PRKAA2: variants seen among roughly 807,000 people sequenced by gnomAD.
PRKAA2 encodes the protein protein kinase AMP-activated catalytic subunit alpha 2.
Under a neutral mutation model 56.3 loss-of-function variants are expected in PRKAA2, and 40 were observed. The ratio of observed to expected loss-of-function variants is 0.71; its 90% CI spans 0.55 to 0.92. The LOEUF is 0.92. Among genes scored for constraint, PRKAA2 ranks in the 40% least tolerant of loss-of-function variants. The pLI is 0.00. For missense variants in PRKAA2, 542 were observed against 686.9 expected (o/e 0.79, Z 2.36); for synonymous variants, 214 against 234.2 (o/e 0.91, Z 0.79).
At chr1:56,670,239 T>C (rs1644065392) in intron 1 of PRKAA2, among the ~76,000 whole-genome samples, 1 of 152,226 alleles carries the variant, frequency 6.6e-6, no homozygotes, top group South Asian at 2.1e-4. Flanking sequence ...GTGTATTATT[T>C]AGATTCAGCT....
intron 1 of PRKAA2, among the ~76,000 whole-genome samples, chr1:56,647,809 C>T (rs550645730): frequency 5.7e-4 from 86 of 151,364 alleles, no homozygotes; most frequent in Admixed American, 1.6e-3. Context: ...GCGGGCGGTT[C>T]AATTGAGGTC....
chr1:56,693,863 G>A lies in PRKAA2; in HGVS notation c.563+11G>A. 1 of 1,542,412 alleles carries A rather than the reference G, an allele frequency of 6.5e-7. No individual in the cohort carries two copies. The highest frequency in any genetic ancestry group is 8.9e-7 in the Non-Finnish European group (1 of 1,124,868). ...AGTCATCTCAGGCAGGTAATAATCA[G>A]TGAAGCATAAGCTTTTTGTAATCTT... On this transcript the variant is annotated intron_variant, in intron 5 of 8. Coordinates refer to ENST00000371244, the MANE Select transcript of PRKAA2 (RefSeq NM_006252.4).
intron 2 of PRKAA2, among the ~76,000 whole-genome samples, chr1:56,679,557 A>G (rs929063797): frequency 9.9e-5 from 15 of 152,100 alleles, no homozygotes; most frequent in African/African-American, 2.4e-4. Flanking sequence ...CATACAATCA[A>G]TCATTAAGGT....
At chr1:56,692,059 C>T (rs1394330402) in intron 3 of PRKAA2, among the ~76,000 whole-genome samples, 2 of 118,848 alleles carry the variant, frequency 1.7e-5, no homozygotes, top group East Asian at 5.1e-4. Flanking sequence ...TTGAGACAGA[C>T]TCTTGCTCTG....
intron 1 of PRKAA2, among the ~76,000 whole-genome samples, chr1:56,652,510 G>C (rs1017913860): frequency 6.6e-6 from 1 of 152,180 alleles, no homozygotes; most frequent in East Asian, 1.9e-4. Context: ...CAAATGATTT[G>C]ATGTTCTAGA....
intron 1 of PRKAA2, among the ~76,000 whole-genome samples, chr1:56,668,515 G>A (rs755270485): frequency 1.3e-5 from 2 of 151,476 alleles, no homozygotes; most frequent in Non-Finnish European, 2.9e-5. Context: ...ATTTTCTTTG[G>A]GCTAGTTCAA....
chr1:56,674,458 G>C lies in PRKAA2; in HGVS notation c.172G>C (p.Val58Leu). ...NRQKIRSLDVVGKIKREIQNL... is the reference protein window; with the variant it reads ...NRQKIRSLDVLGKIKREIQNL... ...ACAGAAGATTCGCAGTTTAGATGTTGTTGGAAAAATAAAACGAGAAATTCA... is the reference window on the plus strand; with the variant it reads ...ACAGAAGATTCGCAGTTTAGATGTTCTTGGAAAAATAAAACGAGAAATTCA... Residue 58 changes from valine (V) to leucine (L), a missense_variant, in exon 2 of 9, where the codon GTT (valine) becomes CTT (leucine). Val to Leu is a conservative substitution (Grantham distance 32). Coordinates refer to ENST00000371244, the MANE Select transcript of PRKAA2 (RefSeq NM_006252.4). The C allele has an allele frequency of 6.3e-7, 1 of 1,575,020 alleles. No homozygotes were observed. Among genetic ancestry groups the C allele is most frequent in the Non-Finnish European group, 8.6e-7 (1 of 1,159,248 alleles).
At chr1:56,701,293 G>A (rs2100433948) in intron 6 of PRKAA2, among the ~76,000 whole-genome samples, 1 of 152,090 alleles carries the variant, frequency 6.6e-6, no homozygotes, top group South Asian at 2.1e-4. Context: ...TACTCGGGAG[G>A]CTGAGACAGG....
intron 8 of PRKAA2, 140 bp from the exon 9 acceptor site, chr1:56,707,335 C>A: frequency 1.5e-6 from 1 of 688,124 alleles, no homozygotes; most frequent in Non-Finnish European, 2.5e-6. Flanking sequence ...TGTGTTTCTA[C>A]AACACAGAAA....
intron 7 of PRKAA2, among the ~76,000 whole-genome samples, chr1:56,704,831 C>CT (rs1051908506): frequency 6.7e-5 from 10 of 149,556 alleles, no homozygotes; most frequent in South Asian, 4.2e-4. Context: ...TTTCTTTTCT[C>CT]TTTTTTTTAG....
intron 1 of PRKAA2, among the ~76,000 whole-genome samples, chr1:56,667,254 GT>G (rs1202139629): frequency 2.0e-5 from 3 of 151,836 alleles, no homozygotes; most frequent in Admixed American, 6.6e-5. Context: ...TGCCCCCAGT[GT>G]TTTTTTCCCC....
chr1:56,673,513 T>A (rs1264798832), intron 1 of PRKAA2, among the ~76,000 whole-genome samples: 2 of 152,048 alleles, frequency 1.3e-5, no homozygotes, highest in Non-Finnish European at 2.9e-5. Context: ...AGAATAGAAT[T>A]GAGGAAAATG....
chr1:56,662,466 A>G (rs1372812763), intron 1 of PRKAA2, among the ~76,000 whole-genome samples: 1 of 152,214 alleles, frequency 6.6e-6, no homozygotes, highest in Admixed American at 6.5e-5. Flanking sequence ...AAAATTAAAT[A>G]CAGACGAGGT....
intron 3 of PRKAA2, among the ~76,000 whole-genome samples, chr1:56,691,785 C>T (rs558725961): frequency 6.6e-6 from 1 of 152,220 alleles, no homozygotes; most frequent in East Asian, 1.9e-4. Flanking sequence ...CACATATGTT[C>T]TGTTTTAGTT....
intron 1 of PRKAA2, 48 bp from the exon 2 acceptor site, chr1:56,674,333 A>G (rs990813873): frequency 4.2e-6 from 6 of 1,442,250 alleles, no homozygotes; most frequent in Non-Finnish European, 5.6e-6. Flanking sequence ...TGAATAAATG[A>G]TTATGTTGAT....
At chr1:56,650,990 G>C (rs944313791) in intron 1 of PRKAA2, among the ~76,000 whole-genome samples, 8 of 152,154 alleles carry the variant, frequency 5.3e-5, no homozygotes, top group African/African-American at 1.9e-4. Flanking sequence ...CCCATCAATT[G>C]ATGGAGCTAA....
Position 56,664,855 on chromosome 1 carries a change from T to TACACACACACACACACACAC in PRKAA2, c.95-9508_95-9489dup, listed in dbSNP as rs67041631. Among the ~76,000 whole-genome samples, 817 of 139,876 alleles carry TACACACACACACACACACAC rather than the reference T, an allele frequency of 5.8e-3. 11 individuals are homozygous for TACACACACACACACACACAC. The highest frequency in any genetic ancestry group is 0.02 in the African/African-American group (737 of 36,772). 91.8% of individuals were successfully genotyped at this position (139,876 alleles called of 152,430 possible). On this transcript the variant is annotated intron_variant, in intron 1 of 8. Coordinates refer to ENST00000371244, the MANE Select transcript of PRKAA2 (RefSeq NM_006252.4). ...ACACATGTATGCATAAGTATATGTG[T>TACACACACACACACACACAC]ACACACACACACACACACACACACA...
At chr1:56,695,170 A>C (rs952867875) in intron 5 of PRKAA2, among the ~76,000 whole-genome samples, 29 of 134,866 alleles carry the variant, frequency 2.2e-4, no homozygotes, top group African/African-American at 7.9e-4. Context: ...CTCTCTCTAT[A>C]TATATGATAT....
At chr1:56,685,114 G>T (rs751942321) in intron 2 of PRKAA2, among the ~76,000 whole-genome samples, 1 of 152,092 alleles carries the variant, frequency 6.6e-6, no homozygotes, top group Non-Finnish European at 1.5e-5. Flanking sequence ...GAACTTAAAG[G>T]CCATATGTTA....
Sources: allele counts gnomAD v4.1 joint callset (sites outside exome capture counted in the v4.1 genomes callset), GRCh38; gene constraint gnomAD v4.1.1; transcripts MANE v1.5; gene names NCBI Gene and HGNC (gene_info 2026-07-23, HGNC 2026-07-21).